Variants in HS3ST2 observed in about 807,000 individuals in gnomAD.
HS3ST2 encodes the protein heparan sulfate-glucosamine 3-sulfotransferase 2.
HS3ST2 carries 17 observed loss-of-function variants against 26.3 expected under a neutral mutation model. The ratio of observed to expected loss-of-function variants is 0.65; its 90% CI spans 0.44 to 0.97. The LOEUF (loss-of-function observed/expected upper bound fraction) is 0.97. HS3ST2 is among the 50% of genes least tolerant of loss of function. The pLI, the probability that HS3ST2 is intolerant of heterozygous loss-of-function variation, is 0.00. For missense variants in HS3ST2, 402 were observed against 501.2 expected (o/e 0.80, Z 1.89); for synonymous variants, 237 against 219.2 (o/e 1.08, Z -0.72).
intron 1 of HS3ST2, among the ~76,000 whole-genome samples, chr16:22,819,415 T>C (rs2141173921): frequency 6.6e-6 from 1 of 152,310 alleles, no homozygotes; most frequent in South Asian, 2.1e-4. Flanking sequence ...AAATAGACTC[T>C]TCAGGGTCAT....
chr16:22,914,980 G>A lies in HS3ST2; in HGVS notation c.522G>A (p.Thr174=), dbSNP rs370489988. Reference sequence around the variant, plus strand: ...CCAGGACCCTCGAGAGCCAGATCACGCTGGAGAAGACGCCCAGCTACTTTG... The same window carrying A: ...CCAGGACCCTCGAGAGCCAGATCACACTGGAGAAGACGCCCAGCTACTTTG... ...LMPRTLESQI[T]LEKTPSYFVT... Residue 174 remains threonine, a synonymous_variant, in exon 2 of 2, where the codon ACG becomes ACA. Transcript: ENST00000261374. 4.3e-6 allele frequency: 7 copies of A among 1,613,624 alleles called. No homozygotes were observed. Among genetic ancestry groups the A allele is most frequent in the East Asian group, 4.5e-5 (2 of 44,842 alleles).
chr16:22,913,169 AGGGAGGGAGGGAGGGC>A (rs1446338533), intron 1 of HS3ST2, among the ~76,000 whole-genome samples: 15 of 26,616 alleles, frequency 5.6e-4, no homozygotes, highest in African/African-American at 1.1e-3. Context: ...GGAGGGAGGG[AGGGAGGGAGGGAGGGC>A]GGAAGGAAGG....
At chr16:22,882,768 C>T (rs1902006759) in intron 1 of HS3ST2, among the ~76,000 whole-genome samples, 1 of 151,954 alleles carries the variant, frequency 6.6e-6, no homozygotes, top group African/African-American at 2.4e-5. Context: ...CAGGGTGGCT[C>T]ATGCCTGTAA....
chr16:22,892,718 C>T (rs1171550975), intron 1 of HS3ST2, among the ~76,000 whole-genome samples: 1 of 152,134 alleles, frequency 6.6e-6, no homozygotes, highest in African/African-American at 2.4e-5. Context: ...AAAATTTAAA[C>T]TTATCTGCAA....
chr16:22,909,015 C>A (rs2141747939), intron 1 of HS3ST2, among the ~76,000 whole-genome samples: 1 of 152,296 alleles, frequency 6.6e-6, no homozygotes, highest in African/African-American at 2.4e-5. Context: ...TCAGAAAGGG[C>A]AAGAACCTAG....
intron 1 of HS3ST2, among the ~76,000 whole-genome samples, chr16:22,823,996 T>C (rs998924252): frequency 6.6e-6 from 1 of 152,238 alleles, no homozygotes; most frequent in African/African-American, 2.4e-5. Flanking sequence ...TTCTTCATTA[T>C]TCTTACTGGT....
chr16:22,867,949 T>G (rs1318856071), intron 1 of HS3ST2, among the ~76,000 whole-genome samples: 1 of 152,190 alleles, frequency 6.6e-6, no homozygotes. Flanking sequence ...TTGAAAAGAT[T>G]AAGTAAATGG....
chr16:22,814,324 A>C lies in HS3ST2; in HGVS notation c.-287A>C. Reference sequence around the variant, plus strand: ...GCGCGCTCCGAACCCGGCGCACGTAAGAGCCTGGGAGCGCCCGAGCCGCCC... The same window carrying C: ...GCGCGCTCCGAACCCGGCGCACGTACGAGCCTGGGAGCGCCCGAGCCGCCC... On this transcript the variant is annotated 5_prime_UTR_variant, in exon 1 of 2. An upstream open reading frame in the 5' UTR loses its in-frame stop. Transcript: ENST00000261374. 1 of 335,472 alleles carries C rather than the reference A, an allele frequency of 3.0e-6. No individual in the cohort carries two copies. 20.8% of individuals were successfully genotyped at this position (335,472 alleles called of 1,614,324 possible).
At chr16:22,910,209 T>C (rs751224034) in intron 1 of HS3ST2, among the ~76,000 whole-genome samples, 12 of 152,238 alleles carry the variant, frequency 7.9e-5, no homozygotes, top group Admixed American at 1.3e-4. Flanking sequence ...TTCACAGCTC[T>C]ATAGTCAAGT....
intron 1 of HS3ST2, among the ~76,000 whole-genome samples, chr16:22,892,907 C>A (rs574517837): frequency 6.6e-6 from 1 of 152,192 alleles, no homozygotes; most frequent in East Asian, 1.9e-4. Flanking sequence ...TTTTTAAAAT[C>A]CTTTTGGGAT....
intron 1 of HS3ST2, among the ~76,000 whole-genome samples, chr16:22,909,896 G>A (rs1407331287): frequency 6.6e-6 from 1 of 152,100 alleles, no homozygotes; most frequent in Non-Finnish European, 1.5e-5. Flanking sequence ...AATTAGCTGG[G>A]CGTGGTGGCA....
At chr16:22,893,634 C>CTTTTTTTTTTTTTT (rs56664558) in intron 1 of HS3ST2, among the ~76,000 whole-genome samples, 10 of 130,230 alleles carry the variant, frequency 7.7e-5, no homozygotes, top group East Asian at 4.4e-4. Context: ...TTTTTCTTTT[C>CTTTTTTTTTTTTTT]TTTTTTTTTT....
At chr16:22,895,813 A>G (rs770381065) in intron 1 of HS3ST2, among the ~76,000 whole-genome samples, 13 of 151,842 alleles carry the variant, frequency 8.6e-5, no homozygotes, top group Non-Finnish European at 1.6e-4. Flanking sequence ...TATCCTGTTT[A>G]TAATAGTTCA....
At position 22,882,602 on chromosome 16, in the gene HS3ST2, C is replaced by T. The variant is rs190263469; in HGVS notation, c.486-32342C>T. On this transcript the variant is annotated intron_variant, in intron 1 of 1. Transcript: ENST00000261374. ...TAAAAAAATTAGCCGGGCATGGTGG[C>T]ATGCGCCTATAGTCCCAGCTACTCA... 1.7e-3 allele frequency among the ~76,000 whole-genome samples: 260 copies of T among 152,222 alleles called. 3 individuals are homozygous for T. Among genetic ancestry groups the T allele is most frequent in the Non-Finnish European group, 1.7e-3 (119 of 68,014 alleles).
At chr16:22,862,190 C>T (rs74400131) in intron 1 of HS3ST2, among the ~76,000 whole-genome samples, 5,093 of 151,460 alleles carry the variant, frequency 0.034, 235 homozygotes, top group East Asian at 0.16. Context: ...ACCAACAGAC[C>T]AATTAGGCCT....
At chr16:22,880,457 GA>G (rs565352866) in intron 1 of HS3ST2, among the ~76,000 whole-genome samples, 103 of 152,024 alleles carry the variant, frequency 6.8e-4, no homozygotes, top group South Asian at 1.7e-3. Context: ...AAAACTGGGG[GA>G]AAAAAACCTT....
Position 22,814,725 on chromosome 16 carries a change from T to A in HS3ST2, c.115T>A (p.Cys39Ser), listed in dbSNP as rs189013090. 6.2e-7 allele frequency: 1 copy of A among 1,609,422 alleles called. No homozygotes were observed. The highest frequency in any genetic ancestry group is 2.2e-5 in the East Asian group (1 of 44,782). The change falls in exon 1 of 2, where the codon TGC becomes AGC. Residue 39 changes from cysteine (C) to serine (S), a missense_variant. Coordinates refer to ENST00000261374, the MANE Select transcript of HS3ST2 (RefSeq NM_006043.2). ...CACTTACCTGTGTTACAGCTTCCTG[T>A]GCTGCTGCGACGACCTGGGTCGGAG... ...SCTYLCYSFLCCCDDLGRSRL... is the reference protein window; with the variant it reads ...SCTYLCYSFLSCCDDLGRSRL...
chr16:22,886,429 T>C (rs1427789447), intron 1 of HS3ST2, among the ~76,000 whole-genome samples: 1 of 152,206 alleles, frequency 6.6e-6, no homozygotes, highest in Non-Finnish European at 1.5e-5. Flanking sequence ...CCTGGGCTTC[T>C]TGTGTGAAGT....
chr16:22,866,374 G>A (rs1382908036), intron 1 of HS3ST2, among the ~76,000 whole-genome samples: 2 of 98,724 alleles, frequency 2.0e-5, no homozygotes, highest in Non-Finnish European at 4.3e-5. Context: ...GTGTGCGTGT[G>A]TGTGTGTGTG....
Sources: gnomAD v4.1 joint callset for allele counts (sites outside exome capture counted in the v4.1 genomes callset) on GRCh38, gnomAD v4.1.1 for gene constraint, MANE v1.5 for transcripts, NCBI Gene and HGNC (gene_info 2026-07-23, HGNC 2026-07-21) for gene names.